NKAIN3: variants seen among roughly 807,000 people sequenced by gnomAD.
The protein encoded by NKAIN3 is sodium/potassium transporting ATPase interacting 3.
A neutral mutation model predicts 30.2 loss-of-function variants in NKAIN3; 25 were observed. The observed-to-expected ratio is 0.83, with a 90% CI of 0.60 to 1.16. NKAIN3 has a LOEUF of 1.16. Ranked by LOEUF, NKAIN3 falls within the 50% of genes most tolerant of loss-of-function variation. The probability of loss-of-function intolerance (pLI) is 0.00; values close to 1 mark genes in which losing one functional copy is unlikely to be tolerated. For synonymous variants in NKAIN3, 91 were observed against 89.6 expected (o/e 1.02, Z -0.09); for missense variants, 225 against 254.1 (o/e 0.89, Z 0.78).
intron 1 of NKAIN3, among the ~76,000 whole-genome samples, chr8:62,259,589 AT>A (rs1812368569): frequency 6.6e-6 from 1 of 152,204 alleles, no homozygotes; most frequent in East Asian, 1.9e-4. Context: ...TCTAATTTAC[AT>A]TTTTAATGTG....
intron 1 of NKAIN3, among the ~76,000 whole-genome samples, chr8:62,319,166 G>C (rs546084696): frequency 6.6e-6 from 1 of 152,172 alleles, no homozygotes; most frequent in South Asian, 2.1e-4. Flanking sequence ...ATTTCTGTGG[G>C]ATCAGTGGTG....
intron 4 of NKAIN3, among the ~76,000 whole-genome samples, chr8:62,866,731 A>G (rs1820426429): frequency 6.6e-6 from 1 of 152,054 alleles, no homozygotes; most frequent in African/African-American, 2.4e-5. Flanking sequence ...CCATTGTTTG[A>G]GGTGTTTGCG....
intron 3 of NKAIN3, among the ~76,000 whole-genome samples, chr8:62,666,751 T>C (rs1207526939): frequency 6.6e-6 from 1 of 152,142 alleles, no homozygotes; most frequent in Non-Finnish European, 1.5e-5. Flanking sequence ...TGGTGCCAAA[T>C]AGAACTTTAA....
chr8:62,666,056 A>T (rs1813089083), intron 3 of NKAIN3, among the ~76,000 whole-genome samples: 1 of 152,066 alleles, frequency 6.6e-6, no homozygotes. Context: ...TCTACTAAAA[A>T]TACAAAAAGT....
At chr8:62,591,757 T>A (rs1810661418) in intron 3 of NKAIN3, among the ~76,000 whole-genome samples, 1 of 151,990 alleles carries the variant, frequency 6.6e-6, no homozygotes, top group Non-Finnish European at 1.5e-5. Context: ...TTTCTGTTGG[T>A]CTCCTATTTA....
chr8:62,691,144 G>A (rs190446078), intron 3 of NKAIN3, among the ~76,000 whole-genome samples: 191 of 152,256 alleles, frequency 1.3e-3, no homozygotes, highest in Non-Finnish European at 1.1e-3. Context: ...TGTCTTATGA[G>A]AAGTTCTTGA....
At chr8:62,892,429 A>T (rs911471208) in intron 4 of NKAIN3, among the ~76,000 whole-genome samples, 3 of 152,218 alleles carry the variant, frequency 2.0e-5, no homozygotes, top group Non-Finnish European at 4.4e-5. Context: ...AACTGATGTG[A>T]GAAAATGTTT....
chr8:62,651,691 C>T (rs892944566), intron 3 of NKAIN3, among the ~76,000 whole-genome samples: 9 of 151,994 alleles, frequency 5.9e-5, no homozygotes, highest in Admixed American at 1.3e-4. Context: ...ATGTGATTCC[C>T]AATGTTGGAG....
At chr8:62,412,908 TC>T (rs1563387368) in intron 1 of NKAIN3, among the ~76,000 whole-genome samples, 2 of 75,884 alleles carry the variant, frequency 2.6e-5, no homozygotes, top group Non-Finnish European at 5.6e-5. Flanking sequence ...TGAGACTCCG[TC>T]AAAAAAAAAA....
chr8:62,440,048 C>T (rs1008272452), intron 1 of NKAIN3, among the ~76,000 whole-genome samples: 3 of 152,046 alleles, frequency 2.0e-5, no homozygotes, highest in South Asian at 4.1e-4. Context: ...TCTTTTTAGC[C>T]AAAATTGGGT....
chr8:62,800,904 C>G (rs1323932327), intron 4 of NKAIN3, among the ~76,000 whole-genome samples: 1 of 152,240 alleles, frequency 6.6e-6, no homozygotes, highest in Non-Finnish European at 1.5e-5. Flanking sequence ...AATCGGGTCA[C>G]TCCCACCCTA....
chr8:62,801,452 G>A (rs972288130), intron 4 of NKAIN3, among the ~76,000 whole-genome samples: 21 of 152,150 alleles, frequency 1.4e-4, no homozygotes, highest in Admixed American at 2.6e-4. Context: ...AGCAGCATTC[G>A]CAGTTCATGA....
chr8:62,499,814 G>A (rs979079758), intron 1 of NKAIN3, among the ~76,000 whole-genome samples: 23 of 151,236 alleles, frequency 1.5e-4, no homozygotes, highest in Admixed American at 4.0e-4. Context: ...AGGTTTGTTT[G>A]TTTGTTTCTT....
At chr8:62,457,506 T>C (rs1479696177) in intron 1 of NKAIN3, among the ~76,000 whole-genome samples, 1 of 152,222 alleles carries the variant, frequency 6.6e-6, no homozygotes, top group Non-Finnish European at 1.5e-5. Flanking sequence ...TCTCCAACTA[T>C]GACTGTGTAA....
At chr8:62,716,458 T>C (rs1223527623) in intron 3 of NKAIN3, among the ~76,000 whole-genome samples, 1 of 152,188 alleles carries the variant, frequency 6.6e-6, no homozygotes, top group Middle Eastern at 3.2e-3. Context: ...TCATGACAGT[T>C]GTACATTAGA....
chr8:62,672,843 T>C (rs1237724439), intron 3 of NKAIN3, among the ~76,000 whole-genome samples: 1 of 152,188 alleles, frequency 6.6e-6, no homozygotes, highest in African/African-American at 2.4e-5. Context: ...ATACAGTCAA[T>C]TTTATCTAAA....
chr8:62,616,791 A>T (rs1421772074), intron 3 of NKAIN3, among the ~76,000 whole-genome samples: 2 of 152,228 alleles, frequency 1.3e-5, no homozygotes, highest in East Asian at 3.9e-4. Context: ...TCTTGAAAAG[A>T]TCCAACCTCA....
At chr8:62,773,251 G>T (rs545016888) in intron 4 of NKAIN3, among the ~76,000 whole-genome samples, 2 of 152,102 alleles carry the variant, frequency 1.3e-5, no homozygotes, top group Non-Finnish European at 2.9e-5. Flanking sequence ...AGAGATTGGA[G>T]TATGGTTTCA....
At chr8:62,814,778 G>A (rs373297564) in intron 4 of NKAIN3, among the ~76,000 whole-genome samples, 2,117 of 151,608 alleles carry the variant, frequency 0.014, 54 homozygotes, top group African/African-American at 0.049. Flanking sequence ...AAGAGAAAGC[G>A]GGAAAGATCC....
Sources: gnomAD v4.1 joint callset for allele counts (sites outside exome capture counted in the v4.1 genomes callset) on GRCh38, gnomAD v4.1.1 for gene constraint, MANE v1.5 for transcripts, NCBI Gene and HGNC (gene_info 2026-07-23, HGNC 2026-07-21) for gene names.